The following ZNF813 variants were observed in gnomAD, a reference collection of about 807,000 sequenced individuals.
ZNF813 encodes zinc finger protein 813.
In ZNF813, 3 loss-of-function variants were observed where a neutral mutation model predicts 7.2. That is an observed-to-expected ratio of 0.42 (90% CI 0.19 to 1.08). The LOEUF (loss-of-function observed/expected upper bound fraction) is 1.08. ZNF813 is among the 50% of genes least tolerant of loss of function. ZNF813 has a pLI of 0.30. For missense variants in ZNF813, 714 were observed against 753.3 expected (o/e 0.95, Z 0.61); for synonymous variants, 227 against 256.3 (o/e 0.89, Z 1.09).
Position 53,493,257 on chromosome 19 carries a change from A to G in ZNF813, c.*1171A>G, listed in dbSNP as rs1024705372. 1 of 188,432 alleles carries G rather than the reference A, an allele frequency of 5.3e-6. No homozygotes were observed. The highest frequency in any genetic ancestry group is 1.1e-5 in the Non-Finnish European group (1 of 90,452). 11.7% of individuals were successfully genotyped at this position (188,432 alleles called of 1,614,324 possible). A position where few individuals can be genotyped will look rare whatever the true frequency, so the allele number is the denominator to read the frequency against. On this transcript the variant is annotated 3_prime_UTR_variant, in exon 4 of 4. Coordinates refer to ENST00000396403, the MANE Select transcript of ZNF813 (RefSeq NM_001004301.4). ...GCTTTTTGTTCTTTAACAAAAACTG[A>G]TAGGGATTTTTATGGGTACCGTGTT...
Position 53,495,880 on chromosome 19 carries a change from C to G in ZNF813, c.*3794C>G. 1 of 244,410 alleles carries G rather than the reference C, an allele frequency of 4.1e-6. No individual in the cohort carries two copies. 15.1% of individuals were successfully genotyped at this position (244,410 alleles called of 1,614,324 possible). On this transcript the variant is annotated 3_prime_UTR_variant, in exon 4 of 4. Coordinates refer to ENST00000396403, the MANE Select transcript of ZNF813 (RefSeq NM_001004301.4). The stretch of plus-strand genomic sequence containing the variant: ...GTGGTGTGTACTTGACTCCCCTTCT[C>G]GCCAGATCTCACAGGACTTTCAGAT...
chr19:53,474,644 G>A (rs1353757154), intron 1 of ZNF813, among the ~76,000 whole-genome samples: 1 of 151,674 alleles, frequency 6.6e-6, no homozygotes, highest in Non-Finnish European at 1.5e-5. Flanking sequence ...AGCCAAGATT[G>A]CACCACTGCA....
In ZNF813 at chr19:53,492,933, G is replaced by GGACGGA. The variant is rs2086470704; in HGVS notation, c.*847_*848insGACGGA. ...CGTTCACACCTCCTTAGACATCAGA[G>GGACGGA]AATGCACACTGGACGGAAATCTTAC... On this transcript the variant is annotated 3_prime_UTR_variant, in exon 4 of 4. Coordinates refer to ENST00000396403, the MANE Select transcript of ZNF813 (RefSeq NM_001004301.4). 3 of 481,278 alleles carry GGACGGA rather than the reference G, an allele frequency of 6.2e-6. No homozygotes were observed. Among genetic ancestry groups the GGACGGA allele is most frequent in the Non-Finnish European group, 1.3e-5 (3 of 234,540 alleles). The allele number at this position is 481,278 out of a possible 1,614,324, so 29.8% of individuals were successfully genotyped here.
rs766510062 is a variant in ZNF813 at position 53,491,980 on chromosome 19, A to G, written c.1748A>G (p.Glu583Gly). 5.6e-6 allele frequency: 9 copies of G among 1,614,070 alleles called. No individual in the cohort carries two copies. Among genetic ancestry groups the G allele is most frequent in the Non-Finnish European group, 7.6e-6 (9 of 1,179,974 alleles). Residue 583 changes from glutamate (E) to glycine (G), a missense_variant, in exon 4 of 4, where the codon GAA (glutamate) becomes GGA (glycine). Physicochemically the swap from Glu to Gly is moderately conservative, Grantham distance 98 (BLOSUM62 -2). Transcript: ENST00000396403. ...HTGEKPYKCN[E>G]CGKVFNQKAN... Reference sequence around the variant, plus strand: ...GGAGAGAAACCTTACAAGTGTAATGAATGTGGCAAGGTTTTTAATCAAAAA... The same window carrying G: ...GGAGAGAAACCTTACAAGTGTAATGGATGTGGCAAGGTTTTTAATCAAAAA...
chr19:53,478,162 T>C (rs2086390563), intron 1 of ZNF813, among the ~76,000 whole-genome samples: 1 of 152,072 alleles, frequency 6.6e-6, no homozygotes. Context: ...ATAATACTTT[T>C]AATTAAATTA....
chr19:53,470,976 A>C (rs1213609853), intron 1 of ZNF813, among the ~76,000 whole-genome samples: 3 of 152,132 alleles, frequency 2.0e-5, no homozygotes, highest in African/African-American at 7.2e-5. Context: ...TAAGCATGTA[A>C]ATTGGGGTGC....
chr19:53,491,590 C>G lies in ZNF813; in HGVS notation c.1358C>G (p.Ala453Gly). 3 of 1,612,646 alleles carry G rather than the reference C, an allele frequency of 1.9e-6. No individual in the cohort carries two copies. Among genetic ancestry groups the G allele is most frequent in the Non-Finnish European group, 2.5e-6 (3 of 1,179,510 alleles). ...ECVKTFSRNS[A>G]LVIHKAIHIG... ...GTCAAGACGTTCAGTCGAAATTCAG[C>G]CCTTGTAATTCATAAGGCTATTCAT... is the stretch of plus-strand genomic sequence containing the variant. Residue 453 changes from alanine to glycine, a missense_variant, in exon 4 of 4, where the codon GCC (alanine) becomes GGC (glycine). Physicochemically the swap from Ala to Gly is moderately conservative, Grantham distance 60 (BLOSUM62 0). Coordinates refer to ENST00000396403, the MANE Select transcript of ZNF813 (RefSeq NM_001004301.4).
chr19:53,480,856 TG>T (rs2086404748), intron 1 of ZNF813, among the ~76,000 whole-genome samples: 2 of 152,066 alleles, frequency 1.3e-5, no homozygotes, highest in African/African-American at 2.4e-5. Flanking sequence ...CACCAGGCCA[TG>T]GGGGCTACGA....
rs2086480616 is a variant in ZNF813 at position 53,495,015 on chromosome 19, T to C, written c.*2929T>C. The C allele has an allele frequency of 8.5e-6, 1 of 117,288 alleles. No individual in the cohort carries two copies. Among genetic ancestry groups the C allele is most frequent in the Non-Finnish European group, 1.7e-5 (1 of 58,628 alleles). 7.3% of individuals were successfully genotyped at this position (117,288 alleles called of 1,614,324 possible). Reference sequence around the variant, plus strand: ...TTCCAGCATGGGTGATGGAGCGAGATACTGGCTCAAAAAAAAAAATACTTC... The same window carrying C: ...TTCCAGCATGGGTGATGGAGCGAGACACTGGCTCAAAAAAAAAAATACTTC... On this transcript the variant is annotated 3_prime_UTR_variant, in exon 4 of 4. Coordinates refer to ENST00000396403, the MANE Select transcript of ZNF813 (RefSeq NM_001004301.4).
intron 2 of ZNF813, among the ~76,000 whole-genome samples, chr19:53,486,208 A>G (rs1308647229): frequency 1.3e-5 from 2 of 152,224 alleles, no homozygotes; most frequent in Non-Finnish European, 2.9e-5. Flanking sequence ...ATGTAATTCC[A>G]GCACTTTGAG....
intron 1 of ZNF813, among the ~76,000 whole-genome samples, chr19:53,480,708 T>C (rs2086404053): frequency 6.6e-6 from 1 of 152,254 alleles, no homozygotes. Context: ...TTCAGTTTTC[T>C]TTCCTTATGT....
chr19:53,491,432 C>T lies in ZNF813; in HGVS notation c.1200C>T (p.Cys400=). 1.2e-6 allele frequency: 2 copies of T among 1,613,664 alleles called. No individual in the cohort carries two copies. The highest frequency in any genetic ancestry group is 2.2e-5 in the East Asian group (1 of 44,800). The change falls in exon 4 of 4, where the codon TGC becomes TGT. Residue 400 remains cysteine, a synonymous_variant. Transcript: ENST00000396403. ...TCAGTCAGGAGTTAACCCTTAAATG[C>T]CATCGTAGACTTCATACCGGAGAGA... ...KTFSQELTLK[C]HRRLHTGEKP...
intron 1 of ZNF813, among the ~76,000 whole-genome samples, chr19:53,469,802 AGGGGGTATAAC>A (rs1310635307): frequency 1.6e-3 from 214 of 132,090 alleles, no homozygotes; most frequent in East Asian, 2.2e-3. Context: ...GAGTGGGGAC[AGGGGGTATAAC>A]AGGGAAGAGA....
chr19:53,474,294 C>A (rs756364225), intron 1 of ZNF813, among the ~76,000 whole-genome samples: 1 of 152,218 alleles, frequency 6.6e-6, no homozygotes, highest in Admixed American at 6.5e-5. Context: ...TTCTTGAATT[C>A]TTGGGGGCCA....
At chr19:53,472,708 G>A (rs774213537) in intron 1 of ZNF813, among the ~76,000 whole-genome samples, 8 of 148,224 alleles carry the variant, frequency 5.4e-5, no homozygotes, top group Non-Finnish European at 1.0e-4. Flanking sequence ...CACCTTCTGG[G>A]TTCAAGCAAT....
In ZNF813 at chr19:53,486,580, A is replaced by G. The variant is rs1447756561; in HGVS notation, c.16-52A>G. The stretch of plus-strand genomic sequence containing the variant: ...CTCTCTCCTCTTCTCATTTTCTGTG[A>G]AGATAAGAACTCCTCCCATAACAAT... On this transcript the variant is annotated intron_variant, in intron 2 of 3. Transcript: ENST00000396403. 1.9e-6 allele frequency: 3 copies of G among 1,613,452 alleles called. No individual in the cohort carries two copies. The Admixed American group carries it at 5.0e-5, about 27-fold the overall frequency.
At position 53,491,033 on chromosome 19, in the gene ZNF813, G is replaced by A. The variant is rs374977338; in HGVS notation, c.801G>A (p.Gly267=). The A allele has an allele frequency of 1.2e-6, 2 of 1,614,082 alleles. No homozygotes were observed. The highest frequency in any genetic ancestry group is 1.7e-5 in the Admixed American group (1 of 60,006). ...NLVCHRRCHT[G]EKPYRCNECG... The stretch of plus-strand genomic sequence containing the variant: ...TGTGCCATCGTAGATGTCACACTGG[G>A]GAGAAACCTTACAGGTGTAATGAGT... Residue 267 remains glycine (G), a synonymous_variant, in exon 4 of 4, where the codon GGG becomes GGA. Transcript: ENST00000396403.
At position 53,491,877 on chromosome 19, in the gene ZNF813, A is replaced by G; in HGVS notation, c.1645A>G (p.Lys549Glu). 6.2e-7 allele frequency: 1 copy of G among 1,613,574 alleles called. No individual in the cohort carries two copies. Among genetic ancestry groups the G allele is most frequent in the Admixed American group, 1.7e-5 (1 of 59,998 alleles). Reference sequence around the variant, plus strand: ...TCATCATAGACTTCATACTGGAGATAAACCTTACAAGTGTAATGAATGTGG... The same window carrying G: ...TCATCATAGACTTCATACTGGAGATGAACCTTACAAGTGTAATGAATGTGG... ...AHHHRLHTGD[K>E]PYKCNECGKV... Residue 549 changes from lysine (K) to glutamate (E), a missense_variant, in exon 4 of 4, where the codon AAA (lysine) becomes GAA (glutamate). Coordinates refer to ENST00000396403, the MANE Select transcript of ZNF813 (RefSeq NM_001004301.4).
rs1326059373 is a variant in ZNF813, at chr19:53,495,740, G to A, written c.*3654G>A. 6.6e-6 allele frequency: 1 copy of A among 152,390 alleles called. No individual in the cohort carries two copies. The highest frequency in any genetic ancestry group is 1.5e-5 in the Non-Finnish European group (1 of 68,444). 9.4% of individuals were successfully genotyped at this position (152,390 alleles called of 1,614,324 possible). ...GCTGCATTATCGCTTTAACCTGGGG[G>A]GCGGAGGTTGCAGTGAGCCAAGATG... is the stretch of plus-strand genomic sequence containing the variant. On this transcript the variant is annotated 3_prime_UTR_variant, in exon 4 of 4. Coordinates refer to ENST00000396403, the MANE Select transcript of ZNF813 (RefSeq NM_001004301.4).
Sources: gnomAD v4.1 joint callset for allele counts (sites outside exome capture counted in the v4.1 genomes callset) on GRCh38, gnomAD v4.1.1 for gene constraint, MANE v1.5 for transcripts, NCBI Gene and HGNC (gene_info 2026-07-23, HGNC 2026-07-21) for gene names.